The following DDX10 variants were observed in gnomAD, a reference collection of about 807,000 sequenced individuals.
DDX10 encodes the protein probable ATP-dependent RNA helicase DDX10.
DDX10 carries 74 observed loss-of-function variants against 104.3 expected under a neutral mutation model. The observed-to-expected ratio is 0.71, with a 90% confidence interval of 0.59 to 0.86. DDX10 has a LOEUF of 0.86. DDX10 is among the 40% of genes least tolerant of loss of function. DDX10 has a pLI of 0.00. For missense variants in DDX10, 952 were observed against 1,040.0 expected, an observed-to-expected ratio of 0.92 and a Z score of 1.16; for synonymous variants, 351 against 353.4, an observed-to-expected ratio of 0.99 and a Z score of 0.08.
chr11:108,808,177 G>A (rs1862126091), intron 13 of DDX10, among the ~76,000 whole-genome samples: 1 of 152,152 alleles, frequency 6.6e-6, no homozygotes, highest in Non-Finnish European at 1.5e-5. Context: ...AGCATAGCAA[G>A]AGAAATGTTT....
chr11:108,690,829 A>G, intron 7 of DDX10: 2 of 193,370 alleles, frequency 1.0e-5, no homozygotes, highest in Non-Finnish European at 2.1e-5. Context: ...TGTGACTGGC[A>G]TCCACCCCTT....
At chr11:108,922,243 C>CAAAAAAAAAAAAAAAA (rs3030537) in intron 17 of DDX10, 105 of 79,316 alleles carry the variant, frequency 1.3e-3, no homozygotes, top group African/African-American at 3.4e-3. Context: ...GACTCCATCT[C>CAAAAAAAAAAAAAAAA]AAAAAAAAAA....
chr11:108,764,623 C>T (rs529903798), intron 13 of DDX10, among the ~76,000 whole-genome samples: 1 of 152,214 alleles, frequency 6.6e-6, no homozygotes, highest in African/African-American at 2.4e-5. Flanking sequence ...GAGCTGAGAT[C>T]GCGCCACTGC....
At chr11:108,769,388 A>C (rs1217957148) in intron 13 of DDX10, among the ~76,000 whole-genome samples, 1 of 151,904 alleles carries the variant, frequency 6.6e-6, no homozygotes, top group Non-Finnish European at 1.5e-5. Flanking sequence ...TGGTGTTTAA[A>C]TTTCACTGCC....
At chr11:108,805,921 T>C (rs909894993) in intron 13 of DDX10, among the ~76,000 whole-genome samples, 3 of 152,144 alleles carry the variant, frequency 2.0e-5, no homozygotes, top group African/African-American at 7.2e-5. Context: ...ATAATCTTTC[T>C]AAAAATTGTT....
At chr11:108,677,646 T>C (rs2094227623) in intron 4 of DDX10, among the ~76,000 whole-genome samples, 1 of 150,438 alleles carries the variant, frequency 6.6e-6, no homozygotes, top group Non-Finnish European at 1.5e-5. Flanking sequence ...TAGAGGAATG[T>C]TTATAGTAGG....
intron 13 of DDX10, among the ~76,000 whole-genome samples, chr11:108,740,870 T>G (rs2094324338): frequency 6.6e-6 from 1 of 152,170 alleles, no homozygotes; most frequent in Non-Finnish European, 1.5e-5. Flanking sequence ...ATTCTGAATA[T>G]TAGACATTTG....
In DDX10 at chr11:108,716,389, G is replaced by T. The variant is rs111469291; in HGVS notation, c.1410+423G>T. ...TGGGATTACAGGCGTGAGCCACTACGCCTGGCCAGTCTAGCTTATTCTTTA... is the reference window on the plus strand; with the variant it reads ...TGGGATTACAGGCGTGAGCCACTACTCCTGGCCAGTCTAGCTTATTCTTTA... On this transcript the variant is annotated intron_variant, in intron 11 of 17. Coordinates refer to ENST00000322536, the MANE Select transcript of DDX10 (RefSeq NM_004398.4). Among the ~76,000 whole-genome samples the T allele has an allele frequency of 5.9e-3, 892 of 152,148 alleles. 3 individuals are homozygous for T. The highest frequency in any genetic ancestry group is 0.02 in the African/African-American group (829 of 41,498).
chr11:108,728,502 TTC>T (rs2094307981), intron 13 of DDX10, among the ~76,000 whole-genome samples: 1 of 72,064 alleles, frequency 1.4e-5, no homozygotes, highest in African/African-American at 4.0e-5. Context: ...TACACATTTG[TTC>T]TTTTTTTTTT....
chr11:108,760,979 T>C (rs2094350226), intron 13 of DDX10, among the ~76,000 whole-genome samples: 1 of 152,070 alleles, frequency 6.6e-6, no homozygotes, highest in African/African-American at 2.4e-5. Context: ...TAAGCACGCC[T>C]ATTGGAATTC....
At chr11:108,831,881 A>C (rs1862478267) in intron 13 of DDX10, among the ~76,000 whole-genome samples, 1 of 152,140 alleles carries the variant, frequency 6.6e-6, no homozygotes, top group African/African-American at 2.4e-5. Context: ...GATTATTTCC[A>C]GTAACTTTCT....
intron 17 of DDX10, among the ~76,000 whole-genome samples, chr11:108,937,142 A>C (rs1864046337): frequency 6.6e-6 from 1 of 152,174 alleles, no homozygotes; most frequent in Non-Finnish European, 1.5e-5. Flanking sequence ...GGGAGGTGCC[A>C]CATTTACAGC....
intron 13 of DDX10, among the ~76,000 whole-genome samples, chr11:108,788,550 A>G (rs1861827345): frequency 1.3e-5 from 2 of 152,048 alleles, no homozygotes; most frequent in South Asian, 2.1e-4. Flanking sequence ...TTTAGTAGAG[A>G]TGGGGTTTCT....
intron 13 of DDX10, among the ~76,000 whole-genome samples, chr11:108,767,059 T>C (rs1239592277): frequency 6.6e-6 from 1 of 152,174 alleles, no homozygotes; most frequent in Non-Finnish European, 1.5e-5. Flanking sequence ...AGCTCTTATA[T>C]TGGAGAGTCA....
intron 15 of DDX10, among the ~76,000 whole-genome samples, chr11:108,846,822 C>CCAGAT (rs1318417730): frequency 7.0e-6 from 1 of 142,284 alleles, no homozygotes; most frequent in Non-Finnish European, 1.6e-5. Context: ...AGAGTACAAA[C>CCAGAT]CAGACCAGAC....
At chr11:108,750,439 A>C (rs1565267224) in intron 13 of DDX10, among the ~76,000 whole-genome samples, 1 of 152,134 alleles carries the variant, frequency 6.6e-6, no homozygotes, top group Non-Finnish European at 1.5e-5. Flanking sequence ...AGGTTATTGA[A>C]CTACTCACAC....
intron 16 of DDX10, among the ~76,000 whole-genome samples, chr11:108,880,970 A>G (rs1863220233): frequency 6.6e-6 from 1 of 152,166 alleles, no homozygotes; most frequent in South Asian, 2.1e-4. Flanking sequence ...CCTTATTTTT[A>G]TAAGTACCAC....
intron 1 of DDX10, among the ~76,000 whole-genome samples, chr11:108,666,351 G>A (rs1332212641): frequency 1.3e-5 from 2 of 152,132 alleles, no homozygotes; most frequent in Non-Finnish European, 2.9e-5. Flanking sequence ...CTAGTGGTGG[G>A]TGCCTGTAAT....
In DDX10 at chr11:108,939,754, T is replaced by C. The variant is rs77620636; in HGVS notation, c.2451-492T>C. Among the ~76,000 whole-genome samples, 469 of 152,370 alleles carry C rather than the reference T, an allele frequency of 3.1e-3. 4 individuals are homozygous for C. Among genetic ancestry groups the C allele is most frequent in the African/African-American group, 0.011 (451 of 41,580 alleles). ...AATGGAGGAAATTTATTTGATGTCT[T>C]AACTAATCTGTAATTTAACATCTCA... is the stretch of plus-strand genomic sequence containing the variant. On this transcript the variant is annotated intron_variant, in intron 17 of 17. Transcript: ENST00000322536.
Sources: gnomAD v4.1 joint callset for allele counts (sites outside exome capture counted in the v4.1 genomes callset) on GRCh38, gnomAD v4.1.1 for gene constraint, MANE v1.5 for transcripts, NCBI Gene and HGNC (gene_info 2026-07-23, HGNC 2026-07-21) for gene names.